Variants in EPHB2 observed in about 807,000 individuals in gnomAD.
The protein encoded by EPHB2 is ephrin type-B receptor 2.
In EPHB2, 18 loss-of-function variants were observed where a neutral mutation model predicts 96.4. The ratio of observed to expected loss-of-function variants is 0.19; its 90% CI spans 0.13 to 0.28. The LOEUF (loss-of-function observed/expected upper bound fraction) is 0.28. Ranked by LOEUF, EPHB2 falls within the 10% of genes least tolerant of loss-of-function variation. The probability of loss-of-function intolerance (pLI) is 1.00; values close to 1 mark genes in which losing one functional copy is unlikely to be tolerated. For synonymous variants in EPHB2, 506 were observed against 534.1 expected (o/e 0.95, Z 0.72); for missense variants, 989 against 1,355.4 (o/e 0.73, Z 4.25).
In EPHB2 at chr1:22,862,872, T is replaced by C. The variant is rs530582591; in HGVS notation, c.812-165T>C. Among the ~76,000 whole-genome samples, 7 of 152,302 alleles carry C rather than the reference T, an allele frequency of 4.6e-5. No individual in the cohort carries two copies. In the East Asian group the frequency reaches 1.4e-3, roughly 29 times the overall value. On this transcript the variant is annotated intron_variant, in intron 3 of 15. Transcript: ENST00000374630. ...CCCTGACAGAATTAGAACTCCCACG[T>C]TGGGGCCTGGAGACTTCAAACCCTT...
At chr1:22,807,061 C>T (rs1281413931) in intron 3 of EPHB2, among the ~76,000 whole-genome samples, 1 of 152,252 alleles carries the variant, frequency 6.6e-6, no homozygotes, top group East Asian at 1.9e-4. Flanking sequence ...TGGCCTGGCA[C>T]ATGTGGGCCA....
chr1:22,868,956 A>G (rs1638571608), intron 5 of EPHB2, among the ~76,000 whole-genome samples: 1 of 152,202 alleles, frequency 6.6e-6, no homozygotes, highest in Non-Finnish European at 1.5e-5. Flanking sequence ...TCAGAACCCC[A>G]GCCGCAGACC....
In EPHB2 at chr1:22,858,097, G is replaced by A. The variant is rs56412094; in HGVS notation, c.812-4940G>A. The stretch of plus-strand genomic sequence containing the variant: ...CGGAGGAGGTGGCATTTAAGCTGGG[G>A]TCTGAAGGAGGAAAAGGAGCCAGCG... On this transcript the variant is annotated intron_variant, in intron 3 of 15. Coordinates refer to ENST00000374630, the MANE Select transcript of EPHB2 (RefSeq NM_017449.5). The surrounding 1 kb of genome is among the most constrained non-coding windows in gnomAD (Gnocchi z 7.7). 0.03 allele frequency among the ~76,000 whole-genome samples: 4,497 copies of A among 152,274 alleles called. 95 individuals carry two copies. The highest frequency in any genetic ancestry group is 0.043 in the Non-Finnish European group (2,949 of 68,012).
intron 3 of EPHB2, among the ~76,000 whole-genome samples, chr1:22,798,147 G>A (rs1644793419): frequency 1.3e-5 from 2 of 152,196 alleles, no homozygotes; most frequent in African/African-American, 4.8e-5. Context: ...ATGGTGCTGA[G>A]CTCACAGAAG....
At chr1:22,840,559 C>T (rs1294292992) in intron 3 of EPHB2, among the ~76,000 whole-genome samples, 1 of 152,186 alleles carries the variant, frequency 6.6e-6, no homozygotes, top group Non-Finnish European at 1.5e-5. Flanking sequence ...TTCCTGGGCG[C>T]AAGCGATTCT....
intron 6 of EPHB2, among the ~76,000 whole-genome samples, chr1:22,889,841 A>T (rs1389849122): frequency 2.0e-5 from 3 of 152,228 alleles, no homozygotes; most frequent in Non-Finnish European, 2.9e-5. Flanking sequence ...TGAATTTTTT[A>T]AAAATAAATG....
At chr1:22,871,548 A>C (rs1210394395) in intron 5 of EPHB2, among the ~76,000 whole-genome samples, 1 of 152,132 alleles carries the variant, frequency 6.6e-6, no homozygotes, top group Non-Finnish European at 1.5e-5. Context: ...TTTATCTATC[A>C]TTACAGCTTT....
chr1:22,893,006 G>T lies in EPHB2; in HGVS notation c.1551G>T (p.Gly517=). Reference sequence around the variant, plus strand: ...GGGCACGCACCGTGGCAGGTTACGGGCGCTACAGCGGCAAGATGTACTTCC... The same window carrying T: ...GGGCACGCACCGTGGCAGGTTACGGTCGCTACAGCGGCAAGATGTACTTCC... ...QVRARTVAGY[G]RYSGKMYFQT... The change falls in exon 7 of 16, where the codon GGG becomes GGT. Residue 517 remains glycine, a synonymous_variant. Coordinates refer to ENST00000374630, the MANE Select transcript of EPHB2 (RefSeq NM_017449.5). 1 of 1,614,240 alleles carries T rather than the reference G, an allele frequency of 6.2e-7. No homozygotes were observed. The highest frequency in any genetic ancestry group is 1.3e-5 in the African/African-American group (1 of 75,072).
At chr1:22,901,225 T>C (rs757842167) in intron 9 of EPHB2, among the ~76,000 whole-genome samples, 1 of 152,232 alleles carries the variant, frequency 6.6e-6, no homozygotes, top group Non-Finnish European at 1.5e-5. Context: ...TGCCAACTAC[T>C]GTACTGAGCC....
chr1:22,855,379 A>T (rs1269136426), intron 3 of EPHB2, among the ~76,000 whole-genome samples: 2 of 152,188 alleles, frequency 1.3e-5, no homozygotes, highest in African/African-American at 4.8e-5. Context: ...CTGACCCCAG[A>T]ACCCGCTCCC....
intron 1 of EPHB2, among the ~76,000 whole-genome samples, chr1:22,744,671 CAAAAAAAAAAAAAAAAA>C (rs59996691): frequency 3.5e-5 from 2 of 57,930 alleles, no homozygotes; most frequent in African/African-American, 1.4e-4. Context: ...GACATTGTCT[CAAAAAAAAAAAAAAAAA>C]AAAAAAAAAA....
chr1:22,907,962 G>T lies in EPHB2; in HGVS notation c.2146G>T (p.Gly716Trp). The change falls in exon 12 of 16, where the codon GGG becomes TGG. Residue 716 changes from glycine (G) to tryptophan (W), a missense_variant. By Grantham distance (184) the Gly-to-Trp change is radical (BLOSUM62 -2). Coordinates refer to ENST00000374630, the MANE Select transcript of EPHB2 (RefSeq NM_017449.5). ...CCCACTTCTCCCAAAGCAAAACGATGGGCAGTTCACAGTCATCCAGCTGGT... is the reference window on the plus strand; with the variant it reads ...CCCACTTCTCCCAAAGCAAAACGATTGGCAGTTCACAGTCATCCAGCTGGT... ...SLDSFLRQND[G>W]QFTVIQLVGM... is the part of the protein sequence containing the mutation. 1 of 1,614,216 alleles carries T rather than the reference G, an allele frequency of 6.2e-7. No homozygotes were observed. Among genetic ancestry groups the T allele is most frequent in the Non-Finnish European group, 8.5e-7 (1 of 1,180,042 alleles).
rs181700840 is a variant in EPHB2, at chr1:22,776,829, T to C, written c.62-4592T>C. ...TGAAAGGCTCAAGCCTGGCCAACCCTAGTGGAGCAGAACACTGGCGTATGC... is the reference window on the plus strand; with the variant it reads ...TGAAAGGCTCAAGCCTGGCCAACCCCAGTGGAGCAGAACACTGGCGTATGC... On this transcript the variant is annotated intron_variant, in intron 1 of 15. Transcript: ENST00000374630. Among the ~76,000 whole-genome samples the C allele has an allele frequency of 4.7e-3, 718 of 152,308 alleles. 9 individuals are homozygous for C. Among genetic ancestry groups the C allele is most frequent in the African/African-American group, 0.016 (675 of 41,564 alleles).
At chr1:22,827,356 A>G (rs1197640877) in intron 3 of EPHB2, among the ~76,000 whole-genome samples, 1 of 152,146 alleles carries the variant, frequency 6.6e-6, no homozygotes, top group Non-Finnish European at 1.5e-5. Flanking sequence ...TCTGCTCCCA[A>G]CCTGGCTCAC....
At chr1:22,775,037 C>T (rs951871260) in intron 1 of EPHB2, 5 of 654,844 alleles carry the variant, frequency 7.6e-6, no homozygotes, top group Non-Finnish European at 1.4e-5. Context: ...GTCCCACTCC[C>T]CTGCTGCCCT....
rs1297027375 is a variant in EPHB2, at chr1:22,790,603, T to C, written c.811+5527T>C. Among the ~76,000 whole-genome samples, 1 of 152,170 alleles carries C rather than the reference T, an allele frequency of 6.6e-6. No homozygotes were observed. Among genetic ancestry groups the C allele is most frequent in the Non-Finnish European group, 1.5e-5 (1 of 68,020 alleles). ...GATCCCTGTTCTCCTTGGTCTCTCC[T>C]TACCCACCTCAGTCCCACTTCTGCC... On this transcript the variant is annotated intron_variant, in intron 3 of 15. Transcript: ENST00000374630. The surrounding 1 kb of genome is among the most constrained non-coding windows in gnomAD (Gnocchi z 4.0).
Position 22,846,186 on chromosome 1 carries a change from T to TG in EPHB2, c.812-16849dup, listed in dbSNP as rs1645538535. Among the ~76,000 whole-genome samples, 1 of 152,114 alleles carries TG rather than the reference T, an allele frequency of 6.6e-6. No individual in the cohort carries two copies. The highest frequency in any genetic ancestry group is 2.4e-5 in the African/African-American group (1 of 41,402). ...GTAATCCTAGCAATTTGGGAGCCTG[T>TG]GGCAGGCGGATCTCTTGGGTCAGGA... On this transcript the variant is annotated intron_variant, in intron 3 of 15. Transcript: ENST00000374630. The surrounding 1 kb of genome is among the most constrained non-coding windows in gnomAD (Gnocchi z 4.3).
Position 22,784,966 on chromosome 1 carries a change from A to T in EPHB2, c.701A>T (p.Asp234Val). The T allele has an allele frequency of 6.2e-7, 1 of 1,613,976 alleles. No homozygotes were observed. The highest frequency in any genetic ancestry group is 8.5e-7 in the Non-Finnish European group (1 of 1,180,048). The stretch of plus-strand genomic sequence containing the variant: ...TGCATCGCCAATGCGGAAGAGGTGG[A>T]TGTACCCATCAAGCTCTACTGTAAC... ...GSCIANAEEV[D>V]VPIKLYCNGD... Residue 234 changes from aspartate (D) to valine (V), a missense_variant, in exon 3 of 16, where the codon GAT (aspartate) becomes GTT (valine). By Grantham distance (152) the Asp-to-Val change is radical. Transcript: ENST00000374630. The surrounding 1 kb of genome is among the most constrained non-coding windows in gnomAD (Gnocchi z 5.1).
At chr1:22,764,653 G>A (rs1258169090) in intron 1 of EPHB2, among the ~76,000 whole-genome samples, 1 of 152,070 alleles carries the variant, frequency 6.6e-6, no homozygotes, top group Non-Finnish European at 1.5e-5. Context: ...GGCTGAGGCA[G>A]GAGAATCTCT....
Sources: allele counts gnomAD v4.1 joint callset (sites outside exome capture counted in the v4.1 genomes callset), GRCh38; gene constraint gnomAD v4.1.1; non-coding constraint Gnocchi (gnomAD v3.1); transcripts MANE v1.5; gene names NCBI Gene and HGNC (gene_info 2026-07-23, HGNC 2026-07-21).